The following NGDN variants were observed in gnomAD, a reference collection of about 807,000 sequenced individuals.
The protein encoded by NGDN is EIF4E-binding protein.
Under a neutral mutation model 45.2 loss-of-function variants are expected in NGDN, and 41 were observed. The ratio of observed to expected loss-of-function variants is 0.91; its 90% CI spans 0.71 to 1.18. The LOEUF (loss-of-function observed/expected upper bound fraction) is 1.18, where lower values mean the gene tolerates loss of function less well. Ranked by LOEUF, NGDN falls within the 50% of genes most tolerant of loss-of-function variation. NGDN has a pLI of 0.00. For synonymous variants in NGDN, 137 were observed against 130.9 expected, an observed-to-expected ratio of 1.05 and a Z score of -0.32; for missense variants, 402 against 399.9, an observed-to-expected ratio of 1.01 and a Z score of -0.05.
chr14:23,475,579 T>G lies in NGDN; in HGVS notation c.304T>G (p.Leu102Val), dbSNP rs1893879509. The stretch of plus-strand genomic sequence containing the variant: ...GTAGGTTTTGGAAAAGCTTCGTCCC[T>G]TGGACCAAAAGCTGAAGTATCAAAT... ...IRTVLEKLRP[L>V]DQKLKYQIDK... The change falls in exon 5 of 11, where the codon TTG becomes GTG. Residue 102 changes from leucine (L) to valine (V), a missense_variant. Coordinates refer to ENST00000408901, the MANE Select transcript of NGDN (RefSeq NM_001042635.2). The G allele has an allele frequency of 6.2e-7, 1 of 1,614,148 alleles. No individual in the cohort carries two copies. The highest frequency in any genetic ancestry group is 8.5e-7 in the Non-Finnish European group (1 of 1,180,026).
chr14:23,477,422 T>G, intron 9 of NGDN, 66 bp downstream of exon 9: 2 of 1,612,320 alleles, frequency 1.2e-6, no homozygotes, highest in East Asian at 4.5e-5. Context: ...TATGTGGGGC[T>G]TATTACCATG....
In NGDN at chr14:23,475,554, G is replaced by A. The variant is rs1893878208; in HGVS notation, c.283-4G>A. On this transcript the variant is annotated splice_polypyrimidine_tract_variant and splice_region_variant and intron_variant, in intron 4 of 10. Transcript: ENST00000408901. ...TATAATCCTGATTAACTACCATGTT[G>A]TAGGTTTTGGAAAAGCTTCGTCCCT... is the stretch of plus-strand genomic sequence containing the variant. 6.2e-7 allele frequency: 1 copy of A among 1,613,312 alleles called. No homozygotes were observed. The highest frequency in any genetic ancestry group is 8.5e-7 in the Non-Finnish European group (1 of 1,179,614).
chr14:23,477,522 A>G lies in NGDN; in HGVS notation c.890A>G (p.Lys297Arg). The change falls in exon 10 of 11, where the codon AAG becomes AGG. Residue 297 changes from lysine to arginine, a missense_variant. Lys to Arg is a conservative substitution (Grantham distance 26, BLOSUM62 2). Coordinates refer to ENST00000408901, the MANE Select transcript of NGDN (RefSeq NM_001042635.2). ...CTCCAGGATCAGAATCCTATTAAGA[A>G]GCGGAAGAAGATACCTCAGAAAGGT... ...HLDEDQNPIK[K>R]RKKIPQKGRK... 6.2e-7 allele frequency: 1 copy of G among 1,614,192 alleles called. No individual in the cohort carries two copies. Among genetic ancestry groups the G allele is most frequent in the Non-Finnish European group, 8.5e-7 (1 of 1,180,024 alleles).
chr14:23,478,565 T>G (rs1050105759), downstream of NGDN: 8 of 153,334 alleles, frequency 5.2e-5, no homozygotes, highest in Admixed American at 3.2e-4. Context: ...TCAGCAAGAT[T>G]ATTCTTATCT....
At position 23,477,197 on chromosome 14, in the gene NGDN, C is replaced by T. The variant is rs376991026; in HGVS notation, c.714-3C>T. On this transcript the variant is annotated splice_region_variant and splice_polypyrimidine_tract_variant and intron_variant, in intron 8 of 10. Transcript: ENST00000408901. ...CCTGCTGGAAACTGTCTTTCTCTGG[C>T]AGGATTAACTATGAGGAGAGCATGA... 1.9e-6 allele frequency: 3 copies of T among 1,613,698 alleles called. No homozygotes were observed. Among genetic ancestry groups the T allele is most frequent in the Non-Finnish European group, 2.5e-6 (3 of 1,179,816 alleles).
At chr14:23,478,259 T>G (rs1893950491), downstream of NGDN, 2 of 415,688 alleles carry the variant, frequency 4.8e-6, no homozygotes, top group African/African-American at 4.1e-5. Context: ...AAAAGGGAAA[T>G]TTTTTTTGGA....
chr14:23,475,098 G>T (rs756763358), intron 3 of NGDN, 73 bp from the exon 4 acceptor site: 3 of 1,479,898 alleles, frequency 2.0e-6, no homozygotes, highest in Non-Finnish European at 1.8e-6. Flanking sequence ...AAAACATCCC[G>T]TTTACCCTAG....
intron 8 of NGDN, among the ~76,000 whole-genome samples, chr14:23,476,857 G>C (rs1893916181): frequency 6.6e-6 from 1 of 152,190 alleles, no homozygotes. Context: ...CTTTGCTCAG[G>C]TGCAGTCTTT....
intron 3 of NGDN, among the ~76,000 whole-genome samples, chr14:23,473,894 C>T (rs1051925307): frequency 2.6e-5 from 4 of 151,840 alleles, no homozygotes; most frequent in Non-Finnish European, 2.9e-5. Flanking sequence ...AAAAATTAGC[C>T]GGGCGTGGTG....
rs755268752 is a variant in NGDN, at chr14:23,477,254, A to G, written c.768A>G (p.Lys256=). ...MVRLSVSKRE[K]GRRKRANVMS... ...GTTTGAGCGTCAGTAAGCGAGAGAA[A>G]GGACGGCGAAAACGAGCAAATGTCA... Residue 256 remains lysine (K), a synonymous_variant, in exon 9 of 11, where the codon AAA becomes AAG. Transcript: ENST00000408901. 6.2e-7 allele frequency: 1 copy of G among 1,614,176 alleles called. No individual in the cohort carries two copies. Among genetic ancestry groups the G allele is most frequent in the Non-Finnish European group, 8.5e-7 (1 of 1,179,996 alleles).
Position 23,472,235 on chromosome 14 carries a change from C to A in NGDN, c.144+1258C>A, listed in dbSNP as rs908112939. Among the ~76,000 whole-genome samples, 9 of 150,008 alleles carry A rather than the reference C, an allele frequency of 6.0e-5. No homozygotes were observed. The Admixed American group carries it at 6.0e-4, about 10-fold the overall frequency. ...GGCTAAGAAGAAAAGGTGGCTCACA[C>A]CTATAATTCCAGCACTTTGGGAGAT... On this transcript the variant is annotated intron_variant, in intron 3 of 10. Coordinates refer to ENST00000408901, the MANE Select transcript of NGDN (RefSeq NM_001042635.2).
At chr14:23,475,990 GA>G in intron 6 of NGDN, 38 bp from the exon 7 acceptor site, 1 of 1,613,454 alleles carries the variant, frequency 6.2e-7, no homozygotes, top group South Asian at 1.1e-5. Context: ...CTTATCTCAT[GA>G]ATGCTTCCTA....
intron 3 of NGDN, among the ~76,000 whole-genome samples, chr14:23,474,155 C>T (rs959197179): frequency 6.6e-6 from 1 of 152,028 alleles, no homozygotes; most frequent in Non-Finnish European, 1.5e-5. Context: ...ATCCTTTGCT[C>T]TCCTTCTATA....
At chr14:23,475,869 T>G (rs374182677) in intron 6 of NGDN, 91 bp downstream of exon 6, 2 of 1,478,516 alleles carry the variant, frequency 1.4e-6, no homozygotes, top group Admixed American at 1.9e-5. Flanking sequence ...GGGATTCTCT[T>G]AGGACTTGAT....
At position 23,475,119 on chromosome 14, in the gene NGDN, G is replaced by C. The variant is rs898496937; in HGVS notation, c.145-52G>C. On this transcript the variant is annotated intron_variant, in intron 3 of 10. Transcript: ENST00000408901. ...TCCCGTTTACCCTAGGCTTTCATCTGGTTCTTTGGCTAAAACCAAATCTGT... is the reference window on the plus strand; with the variant it reads ...TCCCGTTTACCCTAGGCTTTCATCTCGTTCTTTGGCTAAAACCAAATCTGT... 1.6e-5 allele frequency: 25 copies of C among 1,568,746 alleles called. No homozygotes were observed. The South Asian group carries it at 2.6e-4, about 17-fold the overall frequency.
At chr14:23,478,214 G>T (rs773046186), downstream of NGDN, 2 of 515,160 alleles carry the variant, frequency 3.9e-6, no homozygotes, top group Non-Finnish European at 6.5e-6. Flanking sequence ...GACTGGAGTC[G>T]TTGGGTTTGG....
In NGDN at chr14:23,470,798, C is replaced by G. The variant is rs913719961; in HGVS notation, c.73-108C>G. ...TGAGAAGATAGTACTATACTTTAGA[C>G]AGTGTTTCAGATAATTTTTAGGTGG... On this transcript the variant is annotated intron_variant, in intron 2 of 10. Transcript: ENST00000408901. 4.0e-6 allele frequency: 3 copies of G among 746,816 alleles called. No homozygotes were observed. The African/African-American group carries it at 5.5e-5, about 14-fold the overall frequency. 46.3% of individuals were successfully genotyped at this position (746,816 alleles called of 1,614,324 possible). A position where few individuals can be genotyped will look rare whatever the true frequency, so the allele number is the denominator to read the frequency against.
intron 1 of NGDN, 153 bp from the exon 2 acceptor site, chr14:23,469,889 G>A: frequency 1.6e-6 from 2 of 1,251,170 alleles, no homozygotes; most frequent in Non-Finnish European, 2.3e-6. Context: ...AACCCAAGGG[G>A]CTGGCTTTAA....
chr14:23,474,284 C>T lies in NGDN; in HGVS notation c.145-887C>T, dbSNP rs534062246. 7.2e-4 allele frequency among the ~76,000 whole-genome samples: 110 copies of T among 152,130 alleles called. 1 individual carries two copies. The highest frequency in any genetic ancestry group is 1.4e-3 in the Non-Finnish European group (93 of 68,010). Reference sequence around the variant, plus strand: ...TACTTGTATTACTGTGTTATCTTGGCCAAGTATTTAACCTCTCTGAAATAG... The same window carrying T: ...TACTTGTATTACTGTGTTATCTTGGTCAAGTATTTAACCTCTCTGAAATAG... On this transcript the variant is annotated intron_variant, in intron 3 of 10. Coordinates refer to ENST00000408901, the MANE Select transcript of NGDN (RefSeq NM_001042635.2).
Sources: gnomAD v4.1 joint callset for allele counts (sites outside exome capture counted in the v4.1 genomes callset) on GRCh38, gnomAD v4.1.1 for gene constraint, MANE v1.5 for transcripts, NCBI Gene and HGNC (gene_info 2026-07-23, HGNC 2026-07-21) for gene names.